The following PSEN2 variants were observed in gnomAD, a reference collection of about 807,000 sequenced individuals.
PSEN2 encodes the protein presenilin-2.
PSEN2 carries 32 observed loss-of-function variants against 49.1 expected under a neutral mutation model. The observed-to-expected ratio is 0.65, with a 90% confidence interval of 0.49 to 0.88. The LOEUF (loss-of-function observed/expected upper bound fraction) is 0.88. PSEN2 is among the 40% of genes least tolerant of loss of function. The pLI, the probability that PSEN2 is intolerant of heterozygous loss-of-function variation, is 0.00. For synonymous variants in PSEN2, 255 were observed against 244.0 expected, an observed-to-expected ratio of 1.05 and a Z score of -0.42; for missense variants, 522 against 586.9, an observed-to-expected ratio of 0.89 and a Z score of 1.14.
At chr1:226,877,195 G>A (rs925798397) in intron 3 of PSEN2, among the ~76,000 whole-genome samples, 13 of 152,200 alleles carry the variant, frequency 8.5e-5, no homozygotes, top group Admixed American at 8.5e-4. Context: ...GACACTGGCT[G>A]AGAATCACCC....
At chr1:226,888,598 T>C (rs892610343) in intron 7 of PSEN2, among the ~76,000 whole-genome samples, 4 of 152,242 alleles carry the variant, frequency 2.6e-5, no homozygotes, top group Non-Finnish European at 4.4e-5. Flanking sequence ...CCCAAGGACC[T>C]TTCCATGTGC....
chr1:226,887,931 C>T (rs988973159), intron 6 of PSEN2, among the ~76,000 whole-genome samples, 160 bp from the exon 7 acceptor site: 4 of 152,128 alleles, frequency 2.6e-5, no homozygotes, highest in African/African-American at 9.7e-5. Context: ...ACTTCTGTGC[C>T]CTCTTTATCT....
intron 3 of PSEN2, chr1:226,880,833 G>A (rs1660942714): frequency 1.0e-5 from 16 of 1,543,734 alleles, no homozygotes; most frequent in East Asian, 2.3e-5. Flanking sequence ...CCTGGGTCCC[G>A]CCCTCAGTGG....
At chr1:226,872,025 T>C (rs1316299639) in intron 2 of PSEN2, among the ~76,000 whole-genome samples, 1 of 152,216 alleles carries the variant, frequency 6.6e-6, no homozygotes, top group African/African-American at 2.4e-5. Flanking sequence ...CCCTTTGGTG[T>C]TGAAGTGCCC....
intron 1 of PSEN2, 77 bp downstream of exon 1, chr1:226,870,726 G>T (rs953891485): frequency 6.6e-6 from 1 of 151,552 alleles, no homozygotes; most frequent in African/African-American, 2.4e-5. Context: ...GTGGGGCTGC[G>T]CCCTGAGGGC....
intron 8 of PSEN2, among the ~76,000 whole-genome samples, chr1:226,889,497 G>A (rs1318268357): frequency 1.3e-5 from 2 of 152,064 alleles, no homozygotes; most frequent in African/African-American, 4.8e-5. Context: ...GGCTGATCTC[G>A]AACTCCTGAC....
At chr1:226,891,449 G>A in intron 10 of PSEN2, 88 bp downstream of exon 10, 2 of 1,206,042 alleles carry the variant, frequency 1.7e-6, no homozygotes, top group South Asian at 2.7e-5. Context: ...GCTTCCCTGA[G>A]AGGCATGAGT....
intron 3 of PSEN2, among the ~76,000 whole-genome samples, chr1:226,880,252 C>T (rs962945019): frequency 7.9e-5 from 12 of 151,892 alleles, no homozygotes; most frequent in African/African-American, 2.7e-4. Context: ...TGGCGTGCAT[C>T]TGCAGCCCTA....
chr1:226,882,879 G>T (rs1262960372), intron 4 of PSEN2, among the ~76,000 whole-genome samples: 1 of 152,194 alleles, frequency 6.6e-6, no homozygotes, highest in East Asian at 1.9e-4. Flanking sequence ...TTCATGAGTA[G>T]TCTTCTTTCT....
chr1:226,898,646 C>G (rs553288680), downstream of PSEN2: 2 of 152,122 alleles, frequency 1.3e-5, no homozygotes, highest in African/African-American at 4.8e-5. Flanking sequence ...CAGAGTCTCG[C>G]GCTGTCGCCC....
At chr1:226,887,290 C>T (rs766099447) in intron 6 of PSEN2, among the ~76,000 whole-genome samples, 1 of 152,164 alleles carries the variant, frequency 6.6e-6, no homozygotes, top group Non-Finnish European at 1.5e-5. Context: ...GAGGCAGCCC[C>T]TTCCCCTTTT....
chr1:226,887,801 C>T (rs1661460247), intron 6 of PSEN2, among the ~76,000 whole-genome samples: 1 of 152,238 alleles, frequency 6.6e-6, no homozygotes. Flanking sequence ...GTAGGAGACA[C>T]CCAGCATTAC....
At chr1:226,883,088 C>T (rs776408304) in intron 4 of PSEN2, among the ~76,000 whole-genome samples, 2 of 152,092 alleles carry the variant, frequency 1.3e-5, no homozygotes, top group African/African-American at 2.4e-5. Flanking sequence ...GGTGTCCTGC[C>T]CTCCCTCGTT....
At chr1:226,885,961 C>G (rs1206137465) in intron 6 of PSEN2, among the ~76,000 whole-genome samples, 1 of 102,314 alleles carries the variant, frequency 9.8e-6, no homozygotes, top group Middle Eastern at 5.6e-3. Context: ...CCTCAACCTC[C>G]TGGGCTCAAG....
chr1:226,880,679 T>A (rs1188155402), intron 3 of PSEN2: 1 of 1,612,912 alleles, frequency 6.2e-7, no homozygotes, highest in East Asian at 2.2e-5. Context: ...TGCCAGGCAT[T>A]GTTTGAAGTT....
chr1:226,885,511 G>A, intron 5 of PSEN2, 27 bp from the exon 6 acceptor site: 1 of 1,612,744 alleles, frequency 6.2e-7, no homozygotes, highest in South Asian at 1.1e-5. Flanking sequence ...AGGGCCGGGA[G>A]CATCAGCCCT....
chr1:226,896,916 C>T (rs548092432), downstream of PSEN2, among the ~76,000 whole-genome samples: 7 of 152,192 alleles, frequency 4.6e-5, no homozygotes, highest in Admixed American at 6.5e-5. Flanking sequence ...ACATGAGTGC[C>T]GGGACAATGC....
chr1:226,893,669 A>T (rs370609490), intron 11 of PSEN2, among the ~76,000 whole-genome samples: 1 of 152,196 alleles, frequency 6.6e-6, no homozygotes, highest in Non-Finnish European at 1.5e-5. Flanking sequence ...TTCATACTAA[A>T]TTGTACAGCA....
Position 226,895,875 on chromosome 1 carries a change from G to T in PSEN2, c.*296G>T. On this transcript the variant is annotated 3_prime_UTR_variant, in exon 13 of 13. Transcript: ENST00000366783. Reference sequence around the variant, plus strand: ...GGGGAGAAGAGCATCCGGCATGAGGGCTGAGATGCGCAAAGAGTGTGCTCG... The same window carrying T: ...GGGGAGAAGAGCATCCGGCATGAGGTCTGAGATGCGCAAAGAGTGTGCTCG... The T allele has an allele frequency of 2.1e-6, 1 of 479,580 alleles. No individual in the cohort carries two copies. Among genetic ancestry groups the T allele is most frequent in the Non-Finnish European group, 3.8e-6 (1 of 261,630 alleles). The allele number at this position is 479,580 out of a possible 1,614,324, so 29.7% of individuals were successfully genotyped here. A position where few individuals can be genotyped will look rare whatever the true frequency, so the allele number is the denominator to read the frequency against.
Sources: gnomAD v4.1 joint callset for allele counts (sites outside exome capture counted in the v4.1 genomes callset) on GRCh38, gnomAD v4.1.1 for gene constraint, MANE v1.5 for transcripts, NCBI Gene and HGNC (gene_info 2026-07-23, HGNC 2026-07-21) for gene names.